Variants in SNTB1 observed in about 807,000 individuals in gnomAD.
The protein encoded by SNTB1 is syntrophin beta 1.
In SNTB1, 36 loss-of-function variants were observed where a neutral mutation model predicts 48.9. The observed-to-expected ratio is 0.74, with a 90% CI of 0.56 to 0.97. The LOEUF is 0.97. Ranked by LOEUF, SNTB1 falls within the 50% of genes least tolerant of loss-of-function variation. The pLI, the probability that SNTB1 is intolerant of heterozygous loss-of-function variation, is 0.00. For synonymous variants in SNTB1, 299 were observed against 294.6 expected (o/e 1.01, Z -0.15); for missense variants, 786 against 703.4 (o/e 1.12, Z -1.33).
intron 1 of SNTB1, among the ~76,000 whole-genome samples, chr8:120,763,756 C>A (rs1167653375): frequency 6.6e-6 from 1 of 151,754 alleles, no homozygotes; most frequent in African/African-American, 2.4e-5. Flanking sequence ...TTTTTTAGCT[C>A]TTAAATTTAC....
At chr8:120,690,730 T>C (rs926916334) in intron 2 of SNTB1, among the ~76,000 whole-genome samples, 4 of 152,174 alleles carry the variant, frequency 2.6e-5, no homozygotes, top group African/African-American at 9.7e-5. Flanking sequence ...CAGCATAGAG[T>C]TGGGTTTTGC....
At chr8:120,730,211 T>A (rs986043119) in intron 1 of SNTB1, among the ~76,000 whole-genome samples, 3 of 152,148 alleles carry the variant, frequency 2.0e-5, no homozygotes, top group African/African-American at 7.2e-5. Context: ...TAGGCTGGAG[T>A]GCAGTGGCAC....
At chr8:120,626,473 T>C (rs1289422684) in intron 3 of SNTB1, among the ~76,000 whole-genome samples, 1 of 152,218 alleles carries the variant, frequency 6.6e-6, no homozygotes, top group Non-Finnish European at 1.5e-5. Flanking sequence ...CTGTCAATTA[T>C]ATATGCATAG....
chr8:120,604,140 T>A (rs576375519), intron 3 of SNTB1, among the ~76,000 whole-genome samples: 43 of 152,330 alleles, frequency 2.8e-4, no homozygotes, highest in African/African-American at 9.9e-4. Flanking sequence ...TCTCATGGAA[T>A]GCACAGATCA....
intron 1 of SNTB1, among the ~76,000 whole-genome samples, chr8:120,755,180 GAGA>G (rs1370885488): frequency 2.7e-5 from 4 of 150,350 alleles, no homozygotes; most frequent in Non-Finnish European, 5.9e-5. Context: ...GTGAGAGAGA[GAGA>G]GAGAGCGAGA....
intron 1 of SNTB1, among the ~76,000 whole-genome samples, chr8:120,755,443 T>C (rs1022907653): frequency 3.3e-5 from 5 of 151,972 alleles, no homozygotes; most frequent in Non-Finnish European, 5.9e-5. Context: ...CCAAACTATA[T>C]TGGGCTGGAT....
chr8:120,769,184 G>C (rs1226803291), intron 1 of SNTB1: 1 of 152,194 alleles, frequency 6.6e-6, no homozygotes, highest in Non-Finnish European at 1.5e-5. Context: ...CCCCATTTCA[G>C]CTGGAGGAAG....
In SNTB1 at chr8:120,787,719, A is replaced by G. The variant is rs530714603; in HGVS notation, c.571+23554T>C. On this transcript the variant is annotated intron_variant, in intron 1 of 6. Transcript: ENST00000517992. ...AAAGAAATGAATAAAGTCTCTAAGAAATATGGGATTATGTAAAATGGCCAA... is the reference window on the plus strand; with the variant it reads ...AAAGAAATGAATAAAGTCTCTAAGAGATATGGGATTATGTAAAATGGCCAA... Among the ~76,000 whole-genome samples the G allele has an allele frequency of 1.1e-4, 16 of 152,306 alleles. No individual in the cohort carries two copies. The East Asian group carries it at 3.1e-3, about 29-fold the overall frequency.
intron 3 of SNTB1, among the ~76,000 whole-genome samples, chr8:120,607,924 T>C (rs1261059193): frequency 6.6e-6 from 1 of 152,250 alleles, no homozygotes; most frequent in Non-Finnish European, 1.5e-5. Context: ...AATGGCTTTA[T>C]TGCCAACAGC....
At chr8:120,606,172 CTATATATATAAT>C (rs1816513359) in intron 3 of SNTB1, among the ~76,000 whole-genome samples, 1 of 136,518 alleles carries the variant, frequency 7.3e-6, no homozygotes, top group Non-Finnish European at 1.6e-5. Flanking sequence ...ATATGTGTAT[CTATATATATAAT>C]TATATATATC....
At chr8:120,686,551 A>T (rs1170735145) in intron 2 of SNTB1, among the ~76,000 whole-genome samples, 1 of 148,558 alleles carries the variant, frequency 6.7e-6, no homozygotes, top group Non-Finnish European at 1.5e-5. Context: ...TCATCTCTTA[A>T]CATTATTACG....
chr8:120,565,124 GT>G (rs147931962), intron 4 of SNTB1, among the ~76,000 whole-genome samples: 19 of 151,728 alleles, frequency 1.3e-4, no homozygotes, highest in African/African-American at 2.7e-4. Context: ...GATTTTAAAA[GT>G]TTTTTTTTAG....
At chr8:120,743,349 C>T (rs576005708) in intron 1 of SNTB1, among the ~76,000 whole-genome samples, 9 of 152,116 alleles carry the variant, frequency 5.9e-5, no homozygotes, top group African/African-American at 9.7e-5. Context: ...TTATAAAACA[C>T]GGTTTTGTAA....
chr8:120,750,260 CTGGTGA>C (rs1255419000), intron 1 of SNTB1, among the ~76,000 whole-genome samples: 1 of 151,958 alleles, frequency 6.6e-6, no homozygotes, highest in Non-Finnish European at 1.5e-5. Flanking sequence ...TGCCCAGGGT[CTGGTGA>C]TAGCAAAAGC....
intron 3 of SNTB1, among the ~76,000 whole-genome samples, chr8:120,601,687 G>A (rs1816424607): frequency 6.6e-6 from 1 of 152,184 alleles, no homozygotes; most frequent in South Asian, 2.1e-4. Context: ...GACTGGTTAA[G>A]AAATGGCAAT....
At chr8:120,666,172 G>A (rs1260799329) in intron 2 of SNTB1, among the ~76,000 whole-genome samples, 1 of 152,204 alleles carries the variant, frequency 6.6e-6, no homozygotes, top group African/African-American at 2.4e-5. Context: ...GTAACATTAT[G>A]TAGTTATTCC....
At position 120,671,054 on chromosome 8, in the gene SNTB1, C is replaced by T. The variant is rs1272268469; in HGVS notation, c.788+22638G>A. ...TTTCAAAAGAGCATTTCTCATACTT[C>T]CCCAATGATTACACTTGCCTAGAAA... On this transcript the variant is annotated intron_variant, in intron 2 of 6. Coordinates refer to ENST00000517992, the MANE Select transcript of SNTB1 (RefSeq NM_021021.4). Among the ~76,000 whole-genome samples the T allele has an allele frequency of 2.6e-5, 4 of 152,200 alleles. No individual in the cohort carries two copies. In the East Asian group the frequency reaches 7.7e-4, roughly 29 times the overall value.
chr8:120,724,805 A>G (rs1284611886), intron 1 of SNTB1, among the ~76,000 whole-genome samples: 2 of 152,158 alleles, frequency 1.3e-5, no homozygotes, highest in African/African-American at 4.8e-5. Context: ...GGATGAGGAG[A>G]GAGGCAAGCT....
chr8:120,681,518 T>G (rs1241090984), intron 2 of SNTB1, among the ~76,000 whole-genome samples: 1 of 152,150 alleles, frequency 6.6e-6, no homozygotes, highest in African/African-American at 2.4e-5. Flanking sequence ...GGGGGTGATA[T>G]GGCCCTGAAA....
Sources: allele counts gnomAD v4.1 joint callset (sites outside exome capture counted in the v4.1 genomes callset), GRCh38; gene constraint gnomAD v4.1.1; transcripts MANE v1.5; gene names NCBI Gene and HGNC (gene_info 2026-07-23, HGNC 2026-07-21).